The following COL27A1 variants were observed in gnomAD, a reference collection of about 807,000 sequenced individuals.
COL27A1 encodes the protein collagen alpha-1(XXVII) chain.
COL27A1 carries 106 observed loss-of-function variants against 251.3 expected under a neutral mutation model. The ratio of observed to expected loss-of-function variants is 0.42; its 90% CI spans 0.36 to 0.50. COL27A1 has a LOEUF of 0.50. Among genes scored for constraint, COL27A1 ranks in the 20% least tolerant of loss-of-function variants. The pLI is 0.00. For missense variants in COL27A1, 2,325 were observed against 2,522.8 expected (o/e 0.92, Z 1.68); for synonymous variants, 1,000 against 986.3 (o/e 1.01, Z -0.26).
intron 5 of COL27A1, among the ~76,000 whole-genome samples, chr9:114,187,805 TA>T (rs945085220): frequency 2.6e-5 from 4 of 151,734 alleles, no homozygotes; most frequent in East Asian, 1.9e-4. Context: ...ACTCCATTAG[TA>T]AAAAAAAATC....
At position 114,275,206 on chromosome 9, in the gene COL27A1, G is replaced by A. The variant is rs1025845632; in HGVS notation, c.3610-455G>A. 3.3e-5 allele frequency among the ~76,000 whole-genome samples: 5 copies of A among 152,184 alleles called. No homozygotes were observed. The East Asian group carries it at 5.8e-4, about 18-fold the overall frequency. On this transcript the variant is annotated intron_variant, in intron 36 of 60. Coordinates refer to ENST00000356083, the MANE Select transcript of COL27A1 (RefSeq NM_032888.4). ...TTGAGCCCAGGAGGTCGAGGCTGCGGTGACCTATAATTGCGCCTCTGCACT... is the reference window on the plus strand; with the variant it reads ...TTGAGCCCAGGAGGTCGAGGCTGCGATGACCTATAATTGCGCCTCTGCACT...
chr9:114,203,576 G>T (rs988940329), intron 7 of COL27A1, among the ~76,000 whole-genome samples: 1 of 152,158 alleles, frequency 6.6e-6, no homozygotes, highest in African/African-American at 2.4e-5. Flanking sequence ...CAACCTTGTT[G>T]CATCAATCTC....
At chr9:114,231,508 G>C (rs1295546856) in intron 15 of COL27A1, among the ~76,000 whole-genome samples, 1 of 152,178 alleles carries the variant, frequency 6.6e-6, no homozygotes, top group Non-Finnish European at 1.5e-5. Flanking sequence ...GGCCAAGACT[G>C]CTAGAGCACA....
Position 114,196,002 on chromosome 9 carries a change from C to T in COL27A1, c.2114C>T (p.Pro705Leu), listed in dbSNP as rs549850855. Reference protein sequence around the residue: ...LPGLSGNPGPPGRKGHKGYPG... With the variant: ...LPGLSGNPGPLGRKGHKGYPG... ...GGGCTCTCCGGGAATCCAGGACCTC[C>T]GGGACGAAAGGTACTGTTTGGTTTT... Residue 705 changes from proline (P) to leucine (L), a missense_variant, in exon 7 of 61, where the codon CCG becomes CTG. Around this residue, in one of 4 missense-constraint regions of COL27A1, gnomAD observed 1,183 missense variants for 1,144.1 expected, o/e 1.03. Coordinates refer to ENST00000356083, the MANE Select transcript of COL27A1 (RefSeq NM_032888.4). 30 of 1,614,028 alleles carry T rather than the reference C, an allele frequency of 1.9e-5. No homozygotes were observed. Among genetic ancestry groups the T allele is most frequent in the South Asian group, 5.5e-5 (5 of 91,076 alleles).
intron 4 of COL27A1, among the ~76,000 whole-genome samples, chr9:114,181,002 C>A (rs1373096687): frequency 1.3e-5 from 2 of 152,122 alleles, no homozygotes; most frequent in Non-Finnish European, 2.9e-5. Flanking sequence ...GTGTCAGGAA[C>A]CCCTCCTTGA....
chr9:114,284,652 C>A, intron 40 of COL27A1, 72 bp from the exon 41 acceptor site: 1 of 1,508,298 alleles, frequency 6.6e-7, no homozygotes, highest in Non-Finnish European at 9.2e-7. Flanking sequence ...CCAGTATCCC[C>A]ATCTTGGAGT....
chr9:114,215,804 G>A (rs1490443773), intron 12 of COL27A1, among the ~76,000 whole-genome samples: 1 of 152,152 alleles, frequency 6.6e-6, no homozygotes, highest in Non-Finnish European at 1.5e-5. Context: ...GTGTAGTGAT[G>A]GCACATTAGA....
rs777553808 is a variant in COL27A1 at position 114,290,097 on chromosome 9, C to T, written c.4246C>T (p.Arg1416Trp). 1.3e-4 allele frequency: 217 copies of T among 1,611,794 alleles called. No homozygotes were observed. Among genetic ancestry groups the T allele is most frequent in the Middle Eastern group, 8.1e-4 (4 of 4,940 alleles). The part of the protein sequence containing the change: ...GKQGKAGAPG[R>W]RGVQGLQGLP... Reference sequence around the variant, plus strand: ...GCAAGGCAAGGCAGGGGCCCCAGGCCGGAGGGGGGTCCAGGTGAGTGACTA... The same window carrying T: ...GCAAGGCAAGGCAGGGGCCCCAGGCTGGAGGGGGGTCCAGGTGAGTGACTA... The change falls in exon 46 of 61, where the codon CGG becomes TGG. Residue 1416 changes from arginine to tryptophan, a missense_variant. By Grantham distance (101) the Arg-to-Trp change is moderately radical. This residue lies in a region of COL27A1 where 662 missense variants were observed against 795.3 expected (regional missense o/e 0.83). Transcript: ENST00000356083. The surrounding 1 kb of genome is among the most constrained non-coding windows in gnomAD (Gnocchi z 4.6).
chr9:114,200,182 A>C (rs553561604), intron 7 of COL27A1, among the ~76,000 whole-genome samples: 1 of 152,170 alleles, frequency 6.6e-6, no homozygotes, highest in African/African-American at 2.4e-5. Context: ...TGGCACCCCC[A>C]ATTCCATAGA....
chr9:114,294,881 A>G (rs543444703), intron 49 of COL27A1, among the ~76,000 whole-genome samples: 11 of 152,386 alleles, frequency 7.2e-5, no homozygotes, highest in Non-Finnish European at 1.6e-4. Flanking sequence ...TTCATATCAA[A>G]AAGGAAGAAT....
chr9:114,277,017 A>C (rs561688012), intron 37 of COL27A1, among the ~76,000 whole-genome samples: 1 of 152,212 alleles, frequency 6.6e-6, no homozygotes, highest in African/African-American at 2.4e-5. Flanking sequence ...TTAGGCCTGC[A>C]TGACTCTACG....
At chr9:114,196,046 G>A (rs1279717293) in intron 7 of COL27A1, 34 bp downstream of exon 7, 1 of 1,599,762 alleles carries the variant, frequency 6.3e-7, no homozygotes. Context: ...GCCTTGCGCA[G>A]TGGGCCTCCT....
In COL27A1 at chr9:114,293,791, G is replaced by A. The variant is rs189815198; in HGVS notation, c.4584+1581G>A. ...CTTAGATGAAATGGACAAATTCCTT[G>A]AAAGACAAAACTACCAAAGGTCATC... On this transcript the variant is annotated intron_variant, in intron 49 of 60. Coordinates refer to ENST00000356083, the MANE Select transcript of COL27A1 (RefSeq NM_032888.4). 1.4e-4 allele frequency among the ~76,000 whole-genome samples: 21 copies of A among 152,146 alleles called. No individual in the cohort carries two copies. In the East Asian group the frequency reaches 2.7e-3, roughly 20 times the overall value.
At chr9:114,243,746 A>G (rs1355856670) in intron 23 of COL27A1, among the ~76,000 whole-genome samples, 186 bp downstream of exon 23, 1 of 151,566 alleles carries the variant, frequency 6.6e-6, no homozygotes, top group Non-Finnish European at 1.5e-5. Context: ...ACTGTGGGGG[A>G]TTGTTCAAGT....
In COL27A1 at chr9:114,156,407, TC is replaced by T. The variant is rs369588284; in HGVS notation, c.62+398del. Among the ~76,000 whole-genome samples, 10 of 151,618 alleles carry T rather than the reference TC, an allele frequency of 6.6e-5. No individual in the cohort carries two copies. The East Asian group carries it at 1.8e-3, about 27-fold the overall frequency. ...GTTCCGGTGTCTCAGTGTCTGCAGGTCCCAAGCCTGTACGTCTCCGTTTCTA... is the reference window on the plus strand; with the variant it reads ...GTTCCGGTGTCTCAGTGTCTGCAGGTCCAAGCCTGTACGTCTCCGTTTCTA... On this transcript the variant is annotated intron_variant, in intron 1 of 60. Coordinates refer to ENST00000356083, the MANE Select transcript of COL27A1 (RefSeq NM_032888.4).
intron 1 of COL27A1, among the ~76,000 whole-genome samples, chr9:114,159,144 A>G (rs974982799): frequency 6.6e-6 from 1 of 152,226 alleles, no homozygotes; most frequent in Non-Finnish European, 1.5e-5. Flanking sequence ...ATACTTCTGT[A>G]ATAGGCCTTC....
upstream of COL27A1, among the ~76,000 whole-genome samples, chr9:114,154,594 C>T (rs1264246179): frequency 6.6e-6 from 1 of 152,118 alleles, no homozygotes; most frequent in East Asian, 1.9e-4. The surrounding 1 kb of genome is among the most constrained non-coding windows in gnomAD (Gnocchi z 5.8). Flanking sequence ...GCCAGGATAG[C>T]GTGCATTTGT....
intron 12 of COL27A1, among the ~76,000 whole-genome samples, chr9:114,215,748 C>T (rs532621619): frequency 6.6e-6 from 1 of 152,156 alleles, no homozygotes; most frequent in Non-Finnish European, 1.5e-5. Flanking sequence ...GCGGGCTTCT[C>T]CTAGAGGTTA....
intron 56 of COL27A1, among the ~76,000 whole-genome samples, chr9:114,304,294 G>A (rs940894141): frequency 6.6e-6 from 1 of 152,212 alleles, no homozygotes; most frequent in Non-Finnish European, 1.5e-5. Flanking sequence ...ACTATAGTGC[G>A]GCTGGTGCCA....
Sources: gnomAD v4.1 joint callset for allele counts (sites outside exome capture counted in the v4.1 genomes callset) on GRCh38, gnomAD v4.1.1 for gene constraint, gnomAD v4.1.1 regional missense constraint, Gnocchi (gnomAD v3.1) non-coding constraint, MANE v1.5 for transcripts, NCBI Gene and HGNC (gene_info 2026-07-23, HGNC 2026-07-21) for gene names.